Variants in BCAS3 observed in about 807,000 individuals in gnomAD.
BCAS3 encodes the protein BCAS3 microtubule associated cell migration factor.
A neutral mutation model predicts 116.1 loss-of-function variants in BCAS3; 53 were observed. The observed-to-expected ratio is 0.46, with a 90% CI of 0.37 to 0.57. The LOEUF (loss-of-function observed/expected upper bound fraction) is 0.57, where lower values mean the gene tolerates loss of function less well. Ranked by LOEUF, BCAS3 falls within the 20% of genes least tolerant of loss-of-function variation. The pLI, the probability that BCAS3 is intolerant of heterozygous loss-of-function variation, is 0.00. For missense variants in BCAS3, 917 were observed against 1,165.4 expected (o/e 0.79, Z 3.10); for synonymous variants, 391 against 408.2 (o/e 0.96, Z 0.51).
rs1304742296 is a variant in BCAS3, at chr17:61,056,647, C to A, written c.2029+15755C>A. On this transcript the variant is annotated intron_variant, in intron 19 of 23. Transcript: ENST00000407086. The surrounding 1 kb of genome is among the most constrained non-coding windows in gnomAD (Gnocchi z 4.9). ...TGGCTTGTTTATTTTATTAAAAATA[C>A]ATGAGCTACACAGAGATTTGAAGAA... Among the ~76,000 whole-genome samples the A allele has an allele frequency of 6.6e-6, 1 of 152,112 alleles. No individual in the cohort carries two copies. The highest frequency in any genetic ancestry group is 1.5e-5 in the Non-Finnish European group (1 of 68,026).
intron 6 of BCAS3, among the ~76,000 whole-genome samples, chr17:60,759,167 T>A (rs2043274385): frequency 6.6e-6 from 1 of 152,104 alleles, no homozygotes; most frequent in African/African-American, 2.4e-5. Flanking sequence ...AGAGATGGGG[T>A]TTTGCCATGT....
chr17:60,978,464 C>A (rs2062572339), intron 14 of BCAS3, among the ~76,000 whole-genome samples: 1 of 147,764 alleles, frequency 6.8e-6, no homozygotes, highest in Non-Finnish European at 1.5e-5. Context: ...CCTGTTCACT[C>A]TAATGGTAGT....
rs2067107890 is a variant in BCAS3, at chr17:61,037,249, G to C, written c.1763-640G>C. Among the ~76,000 whole-genome samples, 1 of 152,134 alleles carries C rather than the reference G, an allele frequency of 6.6e-6. No homozygotes were observed. Among genetic ancestry groups the C allele is most frequent in the African/African-American group, 2.4e-5 (1 of 41,432 alleles). ...TCCATACATTATTCCTTTTCAGTTA[G>C]TCCATTTCCTGATATCATTCATTTT... On this transcript the variant is annotated intron_variant, in intron 17 of 23. Transcript: ENST00000407086. The surrounding 1 kb of genome is among the most constrained non-coding windows in gnomAD (Gnocchi z 4.7).
chr17:61,193,639 C>G (rs914436206), intron 22 of BCAS3, among the ~76,000 whole-genome samples: 7 of 151,786 alleles, frequency 4.6e-5, no homozygotes, highest in African/African-American at 1.5e-4. Context: ...TGCCTGTAAT[C>G]CCAGCTACTC....
rs182802919 is a variant in BCAS3 at position 61,028,151 on chromosome 17, T to C, written c.1638-6515T>C. Among the ~76,000 whole-genome samples, 242 of 152,002 alleles carry C rather than the reference T, an allele frequency of 1.6e-3. 1 individual carries two copies. Among genetic ancestry groups the C allele is most frequent in the African/African-American group, 5.6e-3 (231 of 41,546 alleles). Reference sequence around the variant, plus strand: ...TTGGACAGAAAGAAGCTTAAATAGTTCTTTAAGGTTAATTATTATTTGACA... The same window carrying C: ...TTGGACAGAAAGAAGCTTAAATAGTCCTTTAAGGTTAATTATTATTTGACA... On this transcript the variant is annotated intron_variant, in intron 16 of 23. Coordinates refer to ENST00000407086, the MANE Select transcript of BCAS3 (RefSeq NM_017679.5). The surrounding 1 kb of genome is among the most constrained non-coding windows in gnomAD (Gnocchi z 4.3).
intron 22 of BCAS3, among the ~76,000 whole-genome samples, chr17:61,110,955 G>A (rs1291633612): frequency 6.6e-6 from 1 of 152,172 alleles, no homozygotes; most frequent in Non-Finnish European, 1.5e-5. Flanking sequence ...CTAACTGGGA[G>A]GCACCCCCCA....
rs767711962 is a variant in BCAS3 at position 61,097,239 on chromosome 17, C to T, written c.2425+12675C>T. 7.2e-5 allele frequency among the ~76,000 whole-genome samples: 11 copies of T among 152,012 alleles called. No homozygotes were observed. The highest frequency in any genetic ancestry group is 1.3e-4 in the Admixed American group (2 of 15,262). On this transcript the variant is annotated intron_variant, in intron 22 of 23. Coordinates refer to ENST00000407086, the MANE Select transcript of BCAS3 (RefSeq NM_017679.5). This position sits in a 1 kb window ranked among gnomAD's most constrained non-coding sequence, Gnocchi z 4.0. The stretch of plus-strand genomic sequence containing the variant: ...TGTCACCCAGGCTGGAGTGCAGTGG[C>T]GCAATCTCGGCTCACTGCAAGCTCC...
rs148429822 is a variant in BCAS3, at chr17:61,341,682, G to A, written c.2426-26645G>A. Among the ~76,000 whole-genome samples the A allele has an allele frequency of 2.0e-3, 299 of 152,278 alleles. 1 individual carries two copies. The highest frequency in any genetic ancestry group is 6.9e-3 in the African/African-American group (287 of 41,558). ...TCACACTCGATTGACAGTTGCAACT[G>A]AAAAGCACACCCAGTCCAAAGCCGC... is the stretch of plus-strand genomic sequence containing the variant. On this transcript the variant is annotated intron_variant, in intron 22 of 23. Coordinates refer to ENST00000407086, the MANE Select transcript of BCAS3 (RefSeq NM_017679.5).
chr17:60,772,460 T>C (rs189711988), intron 6 of BCAS3, among the ~76,000 whole-genome samples: 1,532 of 152,300 alleles, frequency 0.01, 25 homozygotes, highest in African/African-American at 0.034. Context: ...ATATTAGCCC[T>C]TTGTCAGATG....
chr17:61,180,558 A>T lies in BCAS3; in HGVS notation c.2425+95994A>T, dbSNP rs1047749426. On this transcript the variant is annotated intron_variant, in intron 22 of 23. Transcript: ENST00000407086. This position sits in a 1 kb window ranked among gnomAD's most constrained non-coding sequence, Gnocchi z 6.0. ...CCAGACTTGACCGTCAGGTCACCTG[A>T]AGGACAGGTTCCCTACAAATATGAG... 1.3e-5 allele frequency among the ~76,000 whole-genome samples: 2 copies of T among 152,238 alleles called. No individual in the cohort carries two copies. The highest frequency in any genetic ancestry group is 4.8e-5 in the African/African-American group (2 of 41,468).
Position 61,083,123 on chromosome 17 carries a change from A to T in BCAS3, c.2328-1344A>T, listed in dbSNP as rs1020318255. Among the ~76,000 whole-genome samples, 4 of 152,210 alleles carry T rather than the reference A, an allele frequency of 2.6e-5. No homozygotes were observed. The highest frequency in any genetic ancestry group is 9.7e-5 in the African/African-American group (4 of 41,448). On this transcript the variant is annotated intron_variant, in intron 21 of 23. Transcript: ENST00000407086. This position sits in a 1 kb window ranked among gnomAD's most constrained non-coding sequence, Gnocchi z 4.9. ...CTATATGTTGTAGTCCTGTGCTTAA[A>T]GGGCATTTCTTGCTCCTCTTCATTA...
chr17:60,874,862 G>A (rs2055446476), intron 9 of BCAS3, 124 bp downstream of exon 9: 4 of 557,302 alleles, frequency 7.2e-6, no homozygotes, highest in Non-Finnish European at 1.2e-5. Flanking sequence ...TGATTTTCTT[G>A]TGATTCTGTG....
rs2065572738 is a variant in BCAS3, at chr17:61,017,866, A to G, written c.1637+1965A>G. On this transcript the variant is annotated intron_variant, in intron 16 of 23. Coordinates refer to ENST00000407086, the MANE Select transcript of BCAS3 (RefSeq NM_017679.5). The surrounding 1 kb of genome is among the most constrained non-coding windows in gnomAD (Gnocchi z 4.7). ...CTGAGATGAATAGAAACTGTTAGTC[A>G]TTTGGTGTCCTCCTGTGTTACTACA... 6.6e-6 allele frequency among the ~76,000 whole-genome samples: 1 copy of G among 152,084 alleles called. No individual in the cohort carries two copies. Among genetic ancestry groups the G allele is most frequent in the African/African-American group, 2.4e-5 (1 of 41,410 alleles).
chr17:60,694,825 C>T (rs1408792680), intron 4 of BCAS3, among the ~76,000 whole-genome samples: 1 of 151,990 alleles, frequency 6.6e-6, no homozygotes, highest in Non-Finnish European at 1.5e-5. Flanking sequence ...CATTGTCGTA[C>T]AACCAGTCTT....
chr17:60,771,944 C>G (rs1010201612), intron 6 of BCAS3, among the ~76,000 whole-genome samples: 7 of 152,194 alleles, frequency 4.6e-5, no homozygotes, highest in Non-Finnish European at 1.0e-4. Flanking sequence ...TTTTCTTAAT[C>G]CAGTCTATCA....
chr17:60,936,319 A>G (rs1319837812), intron 13 of BCAS3, among the ~76,000 whole-genome samples: 1 of 148,380 alleles, frequency 6.7e-6, no homozygotes, highest in Non-Finnish European at 1.5e-5. Flanking sequence ...TAATAAACAT[A>G]CATGTGCATG....
intron 19 of BCAS3, among the ~76,000 whole-genome samples, chr17:61,060,293 A>ATTT (rs373600893): frequency 7.0e-6 from 1 of 143,242 alleles, no homozygotes; most frequent in African/African-American, 2.6e-5. Flanking sequence ...CACCCGGCTA[A>ATTT]TTTTTTTTTT....
In BCAS3 at chr17:61,051,948, C is replaced by T. The variant is rs1190629283; in HGVS notation, c.2029+11056C>T. Among the ~76,000 whole-genome samples the T allele has an allele frequency of 6.6e-6, 1 of 151,788 alleles. No individual in the cohort carries two copies. ...GGAAATTAATGCAAAACAGAAAATA[C>T]AGGAAAAAAGGAAAAAGATCAGAGT... On this transcript the variant is annotated intron_variant, in intron 19 of 23. Coordinates refer to ENST00000407086, the MANE Select transcript of BCAS3 (RefSeq NM_017679.5). The surrounding 1 kb of genome is among the most constrained non-coding windows in gnomAD (Gnocchi z 4.1).
chr17:60,834,667 C>A (rs1029084843), intron 7 of BCAS3, among the ~76,000 whole-genome samples: 8 of 151,914 alleles, frequency 5.3e-5, no homozygotes, highest in Admixed American at 3.9e-4. Flanking sequence ...TAATTAACAT[C>A]TTTTTATGAG....
Sources: gnomAD v4.1 joint callset for allele counts (sites outside exome capture counted in the v4.1 genomes callset) on GRCh38, gnomAD v4.1.1 for gene constraint, Gnocchi (gnomAD v3.1) non-coding constraint, MANE v1.5 for transcripts, NCBI Gene and HGNC (gene_info 2026-07-23, HGNC 2026-07-21) for gene names.